Variants in HDAC9 observed in about 807,000 individuals in gnomAD.
The protein encoded by HDAC9 is MEF-2 interacting transcription repressor (MITR) protein.
In HDAC9, 41 loss-of-function variants were observed where a neutral mutation model predicts 139.4. That is an observed-to-expected ratio of 0.29 (90% confidence interval 0.23 to 0.38). The LOEUF (loss-of-function observed/expected upper bound fraction) is 0.38, where lower values mean the gene tolerates loss of function less well. HDAC9 is among the 10% of genes least tolerant of loss of function. The probability of loss-of-function intolerance (pLI) is 1.00; values close to 1 mark genes in which losing one functional copy is unlikely to be tolerated. For synonymous variants in HDAC9, 517 were observed against 476.2 expected, an observed-to-expected ratio of 1.09 and a Z score of -1.12; for missense variants, 1,147 against 1,297.0, an observed-to-expected ratio of 0.88 and a Z score of 1.78.
At chr7:18,122,703 C>T (rs199553711) in intron 1 of HDAC9, among the ~76,000 whole-genome samples, 1 of 152,228 alleles carries the variant, frequency 6.6e-6, no homozygotes, top group East Asian at 1.9e-4. Flanking sequence ...ACTGCAACCT[C>T]CACCTCCCAA....
chr7:18,495,377 G>C (rs1393068713), upstream of HDAC9, among the ~76,000 whole-genome samples: 2 of 152,054 alleles, frequency 1.3e-5, no homozygotes, highest in Non-Finnish European at 2.9e-5. Context: ...GAAATGAAAT[G>C]TATGTGCATT....
chr7:18,804,864 T>G (rs1040771475), intron 17 of HDAC9, among the ~76,000 whole-genome samples: 1 of 152,166 alleles, frequency 6.6e-6, no homozygotes, highest in Non-Finnish European at 1.5e-5. Context: ...GCGTAATCTC[T>G]GCTCACTGCA....
chr7:18,606,469 A>T (rs2128892415), intron 6 of HDAC9, among the ~76,000 whole-genome samples: 1 of 152,342 alleles, frequency 6.6e-6, no homozygotes, highest in South Asian at 2.1e-4. Flanking sequence ...CTCATGATTA[A>T]CAAGTTCATA....
At chr7:18,349,002 G>A (rs1180446048) in intron 1 of HDAC9, among the ~76,000 whole-genome samples, 1 of 152,030 alleles carries the variant, frequency 6.6e-6, no homozygotes, top group Non-Finnish European at 1.5e-5. Flanking sequence ...CTGTATATCT[G>A]TCTTCAAGCC....
intron 24 of HDAC9, among the ~76,000 whole-genome samples, chr7:18,974,492 A>T (rs1784436130): frequency 6.6e-6 from 1 of 152,186 alleles, no homozygotes; most frequent in Admixed American, 6.5e-5. Context: ...ACATGTGGAA[A>T]AGCCTTAGCT....
chr7:18,884,606 T>G (rs1799984012), intron 22 of HDAC9, among the ~76,000 whole-genome samples: 1 of 152,098 alleles, frequency 6.6e-6, no homozygotes, highest in Admixed American at 6.5e-5. Context: ...GAAGAAAACA[T>G]AGAAAAGATT....
rs570305918 is a variant in HDAC9, at chr7:18,622,176, G to A, written c.665-7174G>A. On this transcript the variant is annotated intron_variant, in intron 6 of 25. Coordinates refer to ENST00000686413, the MANE Select transcript of HDAC9 (RefSeq NM_178425.4). ...GTGTGGAGAAGTTGACAGATATCCA[G>A]TACTGCAGGGAAGAATAGACAATGC... Among the ~76,000 whole-genome samples, 66 of 152,312 alleles carry A rather than the reference G, an allele frequency of 4.3e-4. 1 individual carries two copies. The South Asian group carries it at 7.5e-3, about 17-fold the overall frequency.
intron 14 of HDAC9, among the ~76,000 whole-genome samples, chr7:18,755,724 T>A (rs1788816875): frequency 6.6e-6 from 1 of 152,036 alleles, no homozygotes; most frequent in South Asian, 2.1e-4. Flanking sequence ...ATAGAGAGTA[T>A]ATATGCTCGT....
chr7:18,288,583 C>A (rs1007253368), upstream of HDAC9, among the ~76,000 whole-genome samples: 1 of 152,092 alleles, frequency 6.6e-6, no homozygotes, highest in African/African-American at 2.4e-5. Flanking sequence ...TATGTTCATG[C>A]CTGGAGCACT....
At chr7:18,601,661 T>G (rs1037161553) in intron 6 of HDAC9, among the ~76,000 whole-genome samples, 16 of 152,184 alleles carry the variant, frequency 1.1e-4, no homozygotes, top group Admixed American at 6.5e-5. Flanking sequence ...TATTCCTAAT[T>G]TTCTGAGAGT....
In HDAC9 at chr7:18,280,697, A is replaced by T. The variant is rs564267391; in HGVS notation, c.25+118348A>T. Among the ~76,000 whole-genome samples the T allele has an allele frequency of 1.1e-4, 16 of 151,984 alleles. 1 individual carries two copies. The highest frequency in any genetic ancestry group is 3.9e-4 in the African/African-American group (16 of 41,480). On this transcript the variant is annotated intron_variant, in intron 2 of 12. Transcript: ENST00000417496. ...AGGATAGCCTGAGCCCAGGAGGTCAAGGTGACAGTGAGCCATGATTGTTCC... is the reference window on the plus strand; with the variant it reads ...AGGATAGCCTGAGCCCAGGAGGTCATGGTGACAGTGAGCCATGATTGTTCC...
At chr7:18,336,474 A>G (rs1781592785) in intron 1 of HDAC9, among the ~76,000 whole-genome samples, 1 of 151,672 alleles carries the variant, frequency 6.6e-6, no homozygotes, top group Non-Finnish European at 1.5e-5. Context: ...CTCTGCTGTA[A>G]ATAACATCTT....
chr7:18,889,785 G>C lies in HDAC9; in HGVS notation c.2803+15189G>C, dbSNP rs73320089. Among the ~76,000 whole-genome samples, 1,093 of 152,248 alleles carry C rather than the reference G, an allele frequency of 7.2e-3. 16 individuals are homozygous for C. Among genetic ancestry groups the C allele is most frequent in the African/African-American group, 0.025 (1,021 of 41,552 alleles). ...CAATTATGGTTCATTGCAGCCTTTA[G>C]CTCCTGGGCTCAAGTGATCCTCCCA... On this transcript the variant is annotated intron_variant, in intron 22 of 25. Transcript: ENST00000686413.
Position 18,832,240 on chromosome 7 carries a change from CT to C in HDAC9, c.2466+2697del, listed in dbSNP as rs570375245. Among the ~76,000 whole-genome samples, 37 of 152,264 alleles carry C rather than the reference CT, an allele frequency of 2.4e-4. No individual in the cohort carries two copies. In the South Asian group the frequency reaches 3.5e-3, roughly 14 times the overall value. ...TGTGACTTTTATTTTGACAATAGTA[CT>C]TTTTAAGCTGTCTTTGTAAAAGGAA... On this transcript the variant is annotated intron_variant, in intron 19 of 25. Coordinates refer to ENST00000686413, the MANE Select transcript of HDAC9 (RefSeq NM_178425.4).
intron 2 of HDAC9, among the ~76,000 whole-genome samples, chr7:18,566,200 G>A (rs1452817934): frequency 6.6e-6 from 1 of 152,210 alleles, no homozygotes; most frequent in African/African-American, 2.4e-5. Flanking sequence ...GAAAGTTAGA[G>A]GAGAGGTTTC....
intron 2 of HDAC9, among the ~76,000 whole-genome samples, chr7:18,209,990 G>A (rs1158312177): frequency 2.6e-5 from 4 of 151,320 alleles, no homozygotes; most frequent in East Asian, 3.9e-4. Flanking sequence ...GTGAGCCACC[G>A]CGCCCGGCCA....
intron 12 of HDAC9, among the ~76,000 whole-genome samples, chr7:18,698,409 A>T (rs762360824): frequency 2.2e-4 from 33 of 152,200 alleles, no homozygotes; most frequent in Non-Finnish European, 4.0e-4. Flanking sequence ...GGACTAAATA[A>T]GTTATGCTTA....
At chr7:18,812,511 T>C (rs986969262) in intron 17 of HDAC9, among the ~76,000 whole-genome samples, 3 of 152,038 alleles carry the variant, frequency 2.0e-5, no homozygotes, top group African/African-American at 7.2e-5. Flanking sequence ...TGTCATTTTT[T>C]TATTTTTGTC....
intron 2 of HDAC9, among the ~76,000 whole-genome samples, chr7:18,570,222 A>C (rs895224413): frequency 7.2e-5 from 11 of 152,198 alleles, no homozygotes; most frequent in Non-Finnish European, 1.5e-5. Context: ...CCTAGACTCA[A>C]TAGAATTTTG....
Sources: gnomAD v4.1 joint callset for allele counts (sites outside exome capture counted in the v4.1 genomes callset) on GRCh38, gnomAD v4.1.1 for gene constraint, MANE v1.5 for transcripts, NCBI Gene and HGNC (gene_info 2026-07-23, HGNC 2026-07-21) for gene names.